TRMT9B: variants seen among roughly 807,000 people sequenced by gnomAD.
TRMT9B encodes tRNA methyltransferase 9B (putative), also known as probable tRNA methyltransferase 9B.
In TRMT9B, 16 loss-of-function variants were observed where a neutral mutation model predicts 11.5. The observed-to-expected ratio is 1.39, with a 90% CI of 0.94 to 2.11. The LOEUF is 2.11. Ranked by LOEUF, TRMT9B falls within the 30% of genes most tolerant of loss-of-function variation. TRMT9B has a pLI of 0.00. For synonymous variants in TRMT9B, 274 were observed against 192.4 expected, an observed-to-expected ratio of 1.42 and a Z score of -3.51; for missense variants, 941 against 553.8, an observed-to-expected ratio of 1.70 and a Z score of -7.02.
intron 1 of TRMT9B, among the ~76,000 whole-genome samples, chr8:12,974,818 A>G (rs1183292718): frequency 6.6e-6 from 1 of 152,206 alleles, no homozygotes; most frequent in Non-Finnish European, 1.5e-5. Flanking sequence ...ACTTGGTTAC[A>G]CAGCTTGCTA....
chr8:12,968,100 G>A (rs1245451481), intron 1 of TRMT9B, among the ~76,000 whole-genome samples: 1 of 152,192 alleles, frequency 6.6e-6, no homozygotes, highest in Non-Finnish European at 1.5e-5. Context: ...GTCCAGGCTG[G>A]TCTCAAACTC....
intron 1 of TRMT9B, among the ~76,000 whole-genome samples, chr8:12,973,340 C>A (rs914482168): frequency 3.3e-5 from 5 of 152,106 alleles, no homozygotes; most frequent in African/African-American, 1.2e-4. Context: ...GGTATTTCTC[C>A]CCATCCTCAA....
intron 1 of TRMT9B, among the ~76,000 whole-genome samples, chr8:12,967,262 C>T (rs557079424): frequency 1.3e-5 from 2 of 152,282 alleles, no homozygotes; most frequent in East Asian, 3.9e-4. Context: ...TGAACAAAGG[C>T]ATAGGTAAAA....
At chr8:12,983,707 T>C (rs1007107780) in intron 1 of TRMT9B, among the ~76,000 whole-genome samples, 1 of 152,120 alleles carries the variant, frequency 6.6e-6, no homozygotes, top group Admixed American at 6.6e-5. Context: ...TAGCAGAATG[T>C]CTCCTCATCC....
At chr8:12,953,707 G>A (rs1247702973) in intron 1 of TRMT9B, among the ~76,000 whole-genome samples, 3 of 152,152 alleles carry the variant, frequency 2.0e-5, no homozygotes, top group African/African-American at 7.2e-5. Flanking sequence ...GAGAATACAG[G>A]GTAAAGAACT....
rs1815117003 is a variant in TRMT9B at position 13,029,480 on chromosome 8, T to C, written c.*7436T>C. On this transcript the variant is annotated 3_prime_UTR_variant, in exon 5 of 5. Transcript: ENST00000524591. ...AATGGTGTAATTTGTGTGTTTATGA[T>C]ATGTATTCAATTATTTAAGTTAAGT... The C allele has an allele frequency of 6.0e-6, 1 of 167,012 alleles. No individual in the cohort carries two copies. The highest frequency in any genetic ancestry group is 1.5e-5 in the Non-Finnish European group (1 of 68,108). The allele number at this position is 167,012 out of a possible 1,614,324, so 10.3% of individuals were successfully genotyped here. A position where few individuals can be genotyped will look rare whatever the true frequency, so the allele number is the denominator to read the frequency against.
At chr8:12,949,479 C>G (rs1467328518) in intron 1 of TRMT9B, among the ~76,000 whole-genome samples, 1 of 152,114 alleles carries the variant, frequency 6.6e-6, no homozygotes, top group Non-Finnish European at 1.5e-5. Context: ...ATTTTCTTTA[C>G]AGTACATTTT....
At position 13,029,173 on chromosome 8, in the gene TRMT9B, GAATA is replaced by G. The variant is rs1253393593; in HGVS notation, c.*7134_*7137del. On this transcript the variant is annotated 3_prime_UTR_variant, in exon 5 of 5. Coordinates refer to ENST00000524591, the MANE Select transcript of TRMT9B (RefSeq NM_020844.3). ...AATTACCATAGAAATGTATTTCATT[GAATA>G]AATAGCTTTTGTTTGTTTGTTTGTT... The G allele has an allele frequency of 1.8e-5, 3 of 163,750 alleles. No individual in the cohort carries two copies. The highest frequency in any genetic ancestry group is 7.6e-5 in the African/African-American group (3 of 39,580). 10.1% of individuals were successfully genotyped at this position (163,750 alleles called of 1,614,324 possible).
chr8:12,980,548 C>T (rs1326639323), intron 1 of TRMT9B, among the ~76,000 whole-genome samples: 1 of 151,978 alleles, frequency 6.6e-6, no homozygotes, highest in Non-Finnish European at 1.5e-5. Context: ...CTGCATCCCC[C>T]CAGCACTGCA....
chr8:13,007,161 TC>T (rs1360094373), intron 3 of TRMT9B: 1 of 152,246 alleles, frequency 6.6e-6, no homozygotes, highest in Admixed American at 6.5e-5. Flanking sequence ...TCACATGCCT[TC>T]TATAGAATTG....
At position 13,026,538 on chromosome 8, in the gene TRMT9B, T is replaced by C. The variant is rs1814714171; in HGVS notation, c.*4494T>C. On this transcript the variant is annotated 3_prime_UTR_variant, in exon 5 of 5. Coordinates refer to ENST00000524591, the MANE Select transcript of TRMT9B (RefSeq NM_020844.3). ...GTCCCCTGTCCCAGGGGCTGTTTGT[T>C]AAAAAAGAGTAATAAAGGATTTTTG... is the stretch of plus-strand genomic sequence containing the variant. 1 of 167,120 alleles carries C rather than the reference T, an allele frequency of 6.0e-6. No homozygotes were observed. The highest frequency in any genetic ancestry group is 6.5e-5 in the Admixed American group (1 of 15,294). The allele number at this position is 167,120 out of a possible 1,614,324, so 10.4% of individuals were successfully genotyped here.
chr8:12,956,659 T>C (rs1801355739), intron 1 of TRMT9B, among the ~76,000 whole-genome samples: 1 of 152,208 alleles, frequency 6.6e-6, no homozygotes, highest in South Asian at 2.1e-4. Context: ...GCACCTGGCT[T>C]GTTAGTTCTT....
intron 3 of TRMT9B, among the ~76,000 whole-genome samples, chr8:13,009,232 G>C (rs958939422): frequency 6.6e-6 from 1 of 152,108 alleles, no homozygotes; most frequent in Non-Finnish European, 1.5e-5. Context: ...TTAAAATGGT[G>C]GTTACCTGGG....
At chr8:12,962,487 GTTTGTTT>G (rs930731469) in intron 1 of TRMT9B, among the ~76,000 whole-genome samples, 9 of 151,058 alleles carry the variant, frequency 6.0e-5, no homozygotes, top group South Asian at 4.2e-4. Flanking sequence ...TTTTTTTTTC[GTTTGTTT>G]TTTGTTTTTT....
intron 3 of TRMT9B, among the ~76,000 whole-genome samples, chr8:13,008,759 T>C (rs865831679): frequency 9.2e-5 from 14 of 152,258 alleles, no homozygotes; most frequent in Middle Eastern, 3.4e-3. Context: ...GACGGAGTCT[T>C]GCTCTGTTGC....
intron 1 of TRMT9B, among the ~76,000 whole-genome samples, chr8:12,976,644 A>G (rs1327373477): frequency 6.6e-6 from 1 of 152,216 alleles, no homozygotes; most frequent in Non-Finnish European, 1.5e-5. Context: ...AAAAAGTGGC[A>G]TATTCAAAAG....
At chr8:12,974,768 A>C (rs1167639464) in intron 1 of TRMT9B, among the ~76,000 whole-genome samples, 1 of 152,198 alleles carries the variant, frequency 6.6e-6, no homozygotes, top group Non-Finnish European at 1.5e-5. Context: ...GGACAGCAGC[A>C]GGCAGGGTTT....
intron 2 of TRMT9B, among the ~76,000 whole-genome samples, chr8:13,005,662 T>A (rs746227930): frequency 2.6e-5 from 4 of 152,172 alleles, no homozygotes; most frequent in Admixed American, 2.6e-4. Context: ...GGGAAAAGCA[T>A]TGAATGGCAA....
At chr8:12,957,122 A>C (rs1334934232) in intron 1 of TRMT9B, among the ~76,000 whole-genome samples, 3 of 152,184 alleles carry the variant, frequency 2.0e-5, no homozygotes, top group African/African-American at 7.2e-5. Flanking sequence ...GTATTCTCTC[A>C]TGGTGAGGTG....
Sources: gnomAD v4.1 joint callset for allele counts (sites outside exome capture counted in the v4.1 genomes callset) on GRCh38, gnomAD v4.1.1 for gene constraint, MANE v1.5 for transcripts, NCBI Gene and HGNC (gene_info 2026-07-23, HGNC 2026-07-21) for gene names.